The following LMNTD2 variants were observed in gnomAD, a reference collection of about 807,000 sequenced individuals.
LMNTD2 encodes lamin tail domain-containing protein 2.
In LMNTD2, 83 loss-of-function variants were observed where a neutral mutation model predicts 70.1. The observed-to-expected ratio is 1.18, with a 90% CI of 0.99 to 1.42. The LOEUF (loss-of-function observed/expected upper bound fraction) is 1.42. Ranked by LOEUF, LMNTD2 falls within the 40% of genes most tolerant of loss-of-function variation. The pLI is 0.00. For missense variants in LMNTD2, 1,153 were observed against 905.9 expected, an observed-to-expected ratio of 1.27 and a Z score of -3.50; for synonymous variants, 534 against 406.1, an observed-to-expected ratio of 1.31 and a Z score of -3.79.
rs372220032 is a variant in LMNTD2, at chr11:555,984, A to C, written c.1377+12T>G. Reference sequence around the variant, plus strand: ...CCCAGCCCCGGCCGCCCCACCGGGGACCCGCACCGACCTCGCCCTTGGGGC... The same window carrying C: ...CCCAGCCCCGGCCGCCCCACCGGGGCCCCGCACCGACCTCGCCCTTGGGGC... On this transcript the variant is annotated intron_variant, in intron 11 of 13. Transcript: ENST00000329451. The C allele has an allele frequency of 5.8e-6, 9 of 1,557,210 alleles. No individual in the cohort carries two copies. In the African/African-American group the frequency reaches 1.3e-4, roughly 22 times the overall value.
intron 7 of LMNTD2, 112 bp from the exon 8 acceptor site, chr11:557,209 G>T: frequency 6.9e-7 from 1 of 1,448,318 alleles, no homozygotes; most frequent in Non-Finnish European, 9.2e-7. Flanking sequence ...CCAGTACCCA[G>T]GCTCAGTTCA....
At position 559,588 on chromosome 11, in the gene LMNTD2, C is replaced by T. The variant is rs139912662; in HGVS notation, c.35-609G>A. 5.1e-6 allele frequency: 6 copies of T among 1,186,816 alleles called. No individual in the cohort carries two copies. The African/African-American group carries it at 8.0e-5, about 16-fold the overall frequency. The allele number at this position is 1,186,816 out of a possible 1,614,324, so 73.5% of individuals were successfully genotyped here. Reference sequence around the variant, plus strand: ...ACCCTGAGGGAGGCCCCAGCATCCCCTACCTAGCCTGGCAGCAGCAGCGGG... The same window carrying T: ...ACCCTGAGGGAGGCCCCAGCATCCCTTACCTAGCCTGGCAGCAGCAGCGGG... On this transcript the variant is annotated intron_variant, in intron 1 of 13. Transcript: ENST00000329451.
chr11:555,076 C>A lies in LMNTD2; in HGVS notation c.1809G>T (p.Leu603=). The A allele has an allele frequency of 6.3e-7, 1 of 1,577,244 alleles. No homozygotes were observed. The highest frequency in any genetic ancestry group is 1.8e-5 in the Admixed American group (1 of 56,208). ...CRKSVDRSCP[L]VALSVQNTAE... Reference sequence around the variant, plus strand: ...CCGTGTTCTGCACCGACAGGGCCACCAGGGGGCAGCTACGGTCCACGCTCT... The same window carrying A: ...CCGTGTTCTGCACCGACAGGGCCACAAGGGGGCAGCTACGGTCCACGCTCT... The change falls in exon 14 of 14, where the codon CTG becomes CTT. Residue 603 remains leucine, a synonymous_variant. Transcript: ENST00000329451.
rs771590874 is a variant in LMNTD2, at chr11:557,655, C to T, written c.556-15G>A. On this transcript the variant is annotated splice_polypyrimidine_tract_variant and intron_variant, in intron 5 of 13. Transcript: ENST00000329451. ...GCCGTCACTACCTGCAAGAGGGGAC[C>T]GGAAGCCAGTGGGCAGGGGCTGGGT... The T allele has an allele frequency of 9.9e-6, 16 of 1,612,864 alleles. No individual in the cohort carries two copies. Among genetic ancestry groups the T allele is most frequent in the African/African-American group, 4.0e-5 (3 of 74,922 alleles).
chr11:555,717 G>A lies in LMNTD2; in HGVS notation c.1574+17C>T. 1 of 1,380,902 alleles carries A rather than the reference G, an allele frequency of 7.2e-7. No individual in the cohort carries two copies. Among genetic ancestry groups the A allele is most frequent in the East Asian group, 3.1e-5 (1 of 32,672 alleles). 85.5% of individuals were successfully genotyped at this position (1,380,902 alleles called of 1,614,324 possible). ...CCTGGGGAGGGAGGCCAGATCCCGG[G>A]GACCCGCGGTCCCCACCCTGGTCTC... On this transcript the variant is annotated intron_variant, in intron 12 of 13. Coordinates refer to ENST00000329451, the MANE Select transcript of LMNTD2 (RefSeq NM_173573.3).
At chr11:559,098 C>T (rs1853107061) in intron 1 of LMNTD2, 119 bp from the exon 2 acceptor site, 16 of 1,518,436 alleles carry the variant, frequency 1.1e-5, no homozygotes, top group African/African-American at 1.4e-5. Flanking sequence ...CCGTGTGCGC[C>T]TCGTGTGGCC....
intron 1 of LMNTD2, chr11:560,236 C>A: frequency 1.1e-6 from 1 of 914,426 alleles, no homozygotes; most frequent in Non-Finnish European, 1.3e-6. Context: ...ATGGCCCACA[C>A]AGCTGACCGC....
intron 5 of LMNTD2, 101 bp from the exon 6 acceptor site, chr11:557,741 C>G: frequency 6.3e-7 from 1 of 1,583,736 alleles, no homozygotes; most frequent in Non-Finnish European, 8.6e-7. Flanking sequence ...CCTGATTCCT[C>G]CCTGCTGGAG....
chr11:555,393 A>T lies in LMNTD2; in HGVS notation c.1685T>A (p.Ile562Asn), dbSNP rs1852781503. ...CGACGGCAGGGTGGGGTCACCCGGGATGGCGGGCAGGTGCTGCGGCGCGGG... is the reference window on the plus strand; with the variant it reads ...CGACGGCAGGGTGGGGTCACCCGGGTTGGCGGGCAGGTGCTGCGGCGCGGG... Reference protein sequence around the residue: ...EIPAPQHLPAIPGDPTLPSPP... With the variant: ...EIPAPQHLPANPGDPTLPSPP... Residue 562 changes from isoleucine to asparagine, a missense_variant, in exon 13 of 14, where the codon ATC (isoleucine) becomes AAC (asparagine). Transcript: ENST00000329451. 1 of 1,392,950 alleles carries T rather than the reference A, an allele frequency of 7.2e-7. No homozygotes were observed. Among genetic ancestry groups the T allele is most frequent in the African/African-American group, 1.5e-5 (1 of 65,378 alleles). The allele number at this position is 1,392,950 out of a possible 1,614,324, so 86.3% of individuals were successfully genotyped here. A position where few individuals can be genotyped will look rare whatever the true frequency, so the allele number is the denominator to read the frequency against.
intron 1 of LMNTD2, chr11:560,351 G>T: frequency 1.7e-6 from 2 of 1,153,544 alleles, no homozygotes; most frequent in Non-Finnish European, 2.1e-6. Flanking sequence ...AAAGGGGCAG[G>T]AAGGTGTCGG....
chr11:558,804 G>C (rs756578921), intron 2 of LMNTD2, 38 bp from the exon 3 acceptor site: 1 of 1,597,432 alleles, frequency 6.3e-7, no homozygotes, highest in Non-Finnish European at 8.6e-7. Flanking sequence ...ACTCAGGCCG[G>C]CCCCTGGCCA....
chr11:555,777 T>C lies in LMNTD2; in HGVS notation c.1531A>G (p.Lys511Glu). 1 of 1,479,230 alleles carries C rather than the reference T, an allele frequency of 6.8e-7. No homozygotes were observed. 91.6% of individuals were successfully genotyped at this position (1,479,230 alleles called of 1,614,324 possible). ...KPPRPPRPLRKGRVREPRVSR... is the reference protein window; with the variant it reads ...KPPRPPRPLREGRVREPRVSR... ...ACCCGGGGCTCCCGCACCCGGCCTT[T>C]GCGCAGGGGTCGAGGTGGGCGCGGC... is the stretch of plus-strand genomic sequence containing the variant. Residue 511 changes from lysine to glutamate, a missense_variant, in exon 12 of 14, where the codon AAA becomes GAA. By Grantham distance (56) the Lys-to-Glu change is moderately conservative. Coordinates refer to ENST00000329451, the MANE Select transcript of LMNTD2 (RefSeq NM_173573.3).
chr11:560,397 G>A, intron 1 of LMNTD2: 1 of 1,217,624 alleles, frequency 8.2e-7, no homozygotes, highest in Non-Finnish European at 1.0e-6. Context: ...CCTTCTGAGC[G>A]GGCACCTCCC....
In LMNTD2 at chr11:558,727, C is replaced by G; in HGVS notation, c.198G>C (p.Leu66=). ...TCTCCAGTTCTCGCTGTCTCCACAG[C>G]AGCCGCAGTGTGCGAGGGTCCAGGG... ...LESLDPRTLR[L]LWRQRELEIQ... The change falls in exon 3 of 14, where the codon CTG becomes CTC. Residue 66 remains leucine, a synonymous_variant. Coordinates refer to ENST00000329451, the MANE Select transcript of LMNTD2 (RefSeq NM_173573.3). 1.6e-5 allele frequency: 25 copies of G among 1,608,236 alleles called. No homozygotes were observed. The highest frequency in any genetic ancestry group is 2.1e-5 in the Non-Finnish European group (25 of 1,178,102).
Position 556,589 on chromosome 11 carries a change from C to G in LMNTD2, c.977-1G>C, listed in dbSNP as rs763361454. The G allele has an allele frequency of 6.6e-7, 1 of 1,526,022 alleles. No homozygotes were observed. Among genetic ancestry groups the G allele is most frequent in the Non-Finnish European group, 8.8e-7 (1 of 1,137,334 alleles). 94.5% of individuals were successfully genotyped at this position (1,526,022 alleles called of 1,614,324 possible). ...CTGGGTGAGTGGGTTTTCTGGAGAT[C>G]TAGAGAGAGCAGCGCTTTTGGGGAG... On this transcript the variant is annotated splice_acceptor_variant, in intron 8 of 13. Transcript: ENST00000329451. LOFTEE classifies it high-confidence loss of function.
At chr11:556,796 TG>T in intron 8 of LMNTD2, 38 bp downstream of exon 8, 2 of 1,498,376 alleles carry the variant, frequency 1.3e-6, no homozygotes, top group Non-Finnish European at 1.8e-6. Context: ...GGGTGGAGGG[TG>T]GGTGAAGGGT....
At chr11:560,320 C>T (rs1853195145) in intron 1 of LMNTD2, 1 of 1,088,394 alleles carries the variant, frequency 9.2e-7, no homozygotes, top group South Asian at 4.3e-5. Flanking sequence ...TCACTGTGTG[C>T]ATGGCCTGGC....
rs138634693 is a variant in LMNTD2 at position 558,864 on chromosome 11, G to A, written c.150C>T (p.Ala50=). 243 of 1,604,440 alleles carry A rather than the reference G, an allele frequency of 1.5e-4. No individual in the cohort carries two copies. Among genetic ancestry groups the A allele is most frequent in the Non-Finnish European group, 2.0e-4 (230 of 1,173,456 alleles). Residue 50 remains alanine (A), a synonymous_variant, in exon 2 of 14, where the codon GCC becomes GCT. Coordinates refer to ENST00000329451, the MANE Select transcript of LMNTD2 (RefSeq NM_173573.3). The part of the protein sequence containing the change: ...TPHPAPVVCS[A]DPQLALESLD... ...CTCCCTCTCCTCCTTACTGCGGGTC[G>A]GCAGAGCAGACCACCGGTGCGGGGT... is the stretch of plus-strand genomic sequence containing the variant.
At chr11:559,693 A>G in intron 1 of LMNTD2, 1 of 1,167,388 alleles carries the variant, frequency 8.6e-7, no homozygotes, top group Non-Finnish European at 1.1e-6. Flanking sequence ...GGTAACAGTG[A>G]CAAGCTGGGG....
Sources: allele counts gnomAD v4.1 joint callset, GRCh38; gene constraint gnomAD v4.1.1; transcripts MANE v1.5; gene names NCBI Gene and HGNC (gene_info 2026-07-23, HGNC 2026-07-21).